ERGIC1: variants seen among roughly 807,000 people sequenced by gnomAD.
ERGIC1 encodes the protein endoplasmic reticulum-golgi intermediate compartment 1.
ERGIC1 carries 19 observed loss-of-function variants against 38.3 expected under a neutral mutation model. The ratio of observed to expected loss-of-function variants is 0.50; its 90% CI spans 0.35 to 0.73. The LOEUF is 0.73. ERGIC1 is among the 30% of genes least tolerant of loss of function. The probability of loss-of-function intolerance (pLI) is 0.01; values close to 1 mark genes in which losing one functional copy is unlikely to be tolerated. For missense variants in ERGIC1, 294 were observed against 389.2 expected, an observed-to-expected ratio of 0.76 and a Z score of 2.06; for synonymous variants, 124 against 157.6, an observed-to-expected ratio of 0.79 and a Z score of 1.60.
chr5:172,877,345 C>A (rs1762158118), intron 1 of ERGIC1, among the ~76,000 whole-genome samples: 1 of 151,392 alleles, frequency 6.6e-6, no homozygotes, highest in Non-Finnish European at 1.5e-5. Flanking sequence ...TAATTTCCCT[C>A]AGCAGTATTT....
Position 172,870,508 on chromosome 5 carries a change from G to A in ERGIC1, c.21-18191G>A, listed in dbSNP as rs184959176. On this transcript the variant is annotated intron_variant, in intron 1 of 9. Coordinates refer to ENST00000393784, the MANE Select transcript of ERGIC1 (RefSeq NM_001031711.3). ...TGAGCTGCTAGATGACCAACGCTCC[G>A]GTCTGTTAACTCACTTGGGATGCTG... Among the ~76,000 whole-genome samples the A allele has an allele frequency of 2.4e-3, 365 of 152,268 alleles. 1 individual carries two copies. The highest frequency in any genetic ancestry group is 8.1e-3 in the African/African-American group (336 of 41,540).
Position 172,918,779 on chromosome 5 carries a change from G to T in ERGIC1, c.375+3941G>T, listed in dbSNP as rs995490661. 9.2e-5 allele frequency among the ~76,000 whole-genome samples: 14 copies of T among 152,314 alleles called. No individual in the cohort carries two copies. In the East Asian group the frequency reaches 1.5e-3, roughly 17 times the overall value. ...AGGTTCACAGTGCCGGCAGGCAGGT[G>T]GGGGGTTGGTGGGGGACCTCTGCTG... On this transcript the variant is annotated intron_variant, in intron 5 of 9. Transcript: ENST00000393784.
chr5:172,917,520 G>A (rs1227511603), intron 5 of ERGIC1: 2 of 152,208 alleles, frequency 1.3e-5, no homozygotes, highest in Admixed American at 6.5e-5. Flanking sequence ...TAGAACAAGC[G>A]CCCCTCAGAG....
intron 1 of ERGIC1, among the ~76,000 whole-genome samples, chr5:172,851,803 T>C (rs1761416231): frequency 6.6e-6 from 1 of 152,084 alleles, no homozygotes; most frequent in Non-Finnish European, 1.5e-5. Flanking sequence ...GTAAAAGGGC[T>C]CCACTTACCA....
At chr5:172,841,558 G>C (rs541696384) in intron 1 of ERGIC1, among the ~76,000 whole-genome samples, 1 of 152,344 alleles carries the variant, frequency 6.6e-6, no homozygotes, top group African/African-American at 2.4e-5. Context: ...TTCGAGATGA[G>C]AGGCCTGGCT....
At chr5:172,946,999 C>T (rs1040677581) in intron 9 of ERGIC1, among the ~76,000 whole-genome samples, 11 of 151,768 alleles carry the variant, frequency 7.2e-5, no homozygotes, top group Non-Finnish European at 1.3e-4. Flanking sequence ...TCCTGGCCAA[C>T]ATGGTAAAAC....
chr5:172,890,284 A>G (rs915995882), intron 2 of ERGIC1, among the ~76,000 whole-genome samples: 5 of 152,190 alleles, frequency 3.3e-5, no homozygotes, highest in African/African-American at 1.2e-4. Context: ...CTCTTCAAAC[A>G]TGGCAAGGCC....
chr5:172,943,780 G>C (rs1323899487), intron 9 of ERGIC1, among the ~76,000 whole-genome samples: 1 of 152,190 alleles, frequency 6.6e-6, no homozygotes, highest in Non-Finnish European at 1.5e-5. Flanking sequence ...TCCATTGCAC[G>C]CTATGGGAGA....
chr5:172,841,701 G>A (rs927506513), intron 1 of ERGIC1, among the ~76,000 whole-genome samples: 2 of 152,292 alleles, frequency 1.3e-5, no homozygotes, highest in Non-Finnish European at 2.9e-5. Context: ...TTTGGAGGAG[G>A]AGAAGTAATG....
intron 1 of ERGIC1, among the ~76,000 whole-genome samples, chr5:172,845,022 TGAG>T (rs2113523060): frequency 8.6e-6 from 1 of 116,156 alleles, no homozygotes; most frequent in South Asian, 3.3e-4. Context: ...CCCATCTTCT[TGAG>T]GAGGACGCAG....
chr5:172,869,284 C>T (rs1761945321), intron 1 of ERGIC1, among the ~76,000 whole-genome samples: 1 of 152,246 alleles, frequency 6.6e-6, no homozygotes, highest in Non-Finnish European at 1.5e-5. Flanking sequence ...AGGCTGGCCT[C>T]ACCCCTGCCA....
chr5:172,882,932 T>C (rs886716440), intron 1 of ERGIC1, among the ~76,000 whole-genome samples: 2 of 152,090 alleles, frequency 1.3e-5, no homozygotes, highest in Non-Finnish European at 2.9e-5. Context: ...GTGATGATGA[T>C]GATGATGATT....
intron 1 of ERGIC1, among the ~76,000 whole-genome samples, chr5:172,871,752 G>T (rs564042775): frequency 6.6e-6 from 1 of 152,364 alleles, no homozygotes; most frequent in African/African-American, 2.4e-5. Flanking sequence ...AACAAAGAAT[G>T]TTGGCGGGCA....
chr5:172,849,720 A>G (rs974702512), intron 1 of ERGIC1, among the ~76,000 whole-genome samples: 3 of 152,188 alleles, frequency 2.0e-5, no homozygotes, highest in Non-Finnish European at 2.9e-5. Context: ...CATACCCCCA[A>G]TGACAGCAGC....
chr5:172,876,886 G>A (rs896339601), intron 1 of ERGIC1, among the ~76,000 whole-genome samples: 6 of 152,070 alleles, frequency 3.9e-5, no homozygotes, highest in Non-Finnish European at 8.8e-5. Flanking sequence ...TTGTTGCAGT[G>A]AGCCGAAATC....
At chr5:172,910,333 G>C (rs896102986) in intron 4 of ERGIC1, among the ~76,000 whole-genome samples, 1 of 152,112 alleles carries the variant, frequency 6.6e-6, no homozygotes, top group Non-Finnish European at 1.5e-5. Context: ...GGTCAGCCAA[G>C]AGCATTCATC....
intron 1 of ERGIC1, among the ~76,000 whole-genome samples, chr5:172,859,211 T>C (rs1444571211): frequency 6.6e-6 from 1 of 152,166 alleles, no homozygotes. Flanking sequence ...CCTGTTTTGA[T>C]GAGACACTGC....
intron 6 of ERGIC1, among the ~76,000 whole-genome samples, chr5:172,924,693 G>A (rs1245685488): frequency 6.6e-6 from 1 of 152,184 alleles, no homozygotes; most frequent in Non-Finnish European, 1.5e-5. Flanking sequence ...ACGTGCAGGG[G>A]CAAAACAGAA....
rs113664849 is a variant in ERGIC1 at position 172,873,602 on chromosome 5, G to A, written c.21-15097G>A. Among the ~76,000 whole-genome samples the A allele has an allele frequency of 4.0e-3, 614 of 152,308 alleles. 2 individuals carry two copies. The highest frequency in any genetic ancestry group is 0.013 in the African/African-American group (550 of 41,574). Reference sequence around the variant, plus strand: ...GAGTACAGAGAGCCAAGGCTCCCAGGGCCCAGTGGGGAGCTTTGGGGAGGC... The same window carrying A: ...GAGTACAGAGAGCCAAGGCTCCCAGAGCCCAGTGGGGAGCTTTGGGGAGGC... On this transcript the variant is annotated intron_variant, in intron 1 of 9. Transcript: ENST00000393784.
Sources: allele counts gnomAD v4.1 joint callset (sites outside exome capture counted in the v4.1 genomes callset), GRCh38; gene constraint gnomAD v4.1.1; transcripts MANE v1.5; gene names NCBI Gene and HGNC (gene_info 2026-07-23, HGNC 2026-07-21).